CDH4: variants seen among roughly 807,000 people sequenced by gnomAD.
The protein encoded by CDH4 is cadherin-4.
Under a neutral mutation model 86.0 loss-of-function variants are expected in CDH4, and 33 were observed. The observed-to-expected ratio is 0.38, with a 90% CI of 0.29 to 0.51. The LOEUF is 0.51. Ranked by LOEUF, CDH4 falls within the 20% of genes least tolerant of loss-of-function variation. The pLI is 0.86. For missense variants in CDH4, 1,114 were observed against 1,307.4 expected (o/e 0.85, Z 2.28); for synonymous variants, 555 against 549.4 (o/e 1.01, Z -0.14).
chr20:61,797,316 C>T (rs1055945778), intron 4 of CDH4, among the ~76,000 whole-genome samples: 8 of 152,202 alleles, frequency 5.3e-5, no homozygotes, highest in Non-Finnish European at 7.3e-5. Flanking sequence ...GGAAGGCTCA[C>T]GCCATCCACT....
chr20:61,858,331 G>GTGTCTGTGTGTCTA (rs1244012353), intron 6 of CDH4, among the ~76,000 whole-genome samples: 3 of 151,102 alleles, frequency 2.0e-5, no homozygotes, highest in Non-Finnish European at 4.4e-5. Context: ...GTGTCTGTCT[G>GTGTCTGTGTGTCTA]TGTCTGTATC....
rs115864163 is a variant in CDH4 at position 61,289,369 on chromosome 20, G to A, written c.169+34432G>A. ...TGACCCAGGGTCATTTGGCCCCCAG[G>A]CTAAGTCTTCTAGCCCTGAAGCCCT... On this transcript the variant is annotated intron_variant, in intron 2 of 15. Coordinates refer to ENST00000614565, the MANE Select transcript of CDH4 (RefSeq NM_001794.5). Among the ~76,000 whole-genome samples, 1,214 of 152,324 alleles carry A rather than the reference G, an allele frequency of 8.0e-3. 15 individuals are homozygous for A. The highest frequency in any genetic ancestry group is 0.028 in the African/African-American group (1,146 of 41,580).
chr20:61,773,858 G>T (rs2088808470), intron 4 of CDH4, among the ~76,000 whole-genome samples: 1 of 152,106 alleles, frequency 6.6e-6, no homozygotes, highest in African/African-American at 2.4e-5. Context: ...TGTGCTTAAG[G>T]GGTCATTCTC....
At chr20:61,568,355 G>A (rs775780924) in intron 2 of CDH4, among the ~76,000 whole-genome samples, 4 of 152,068 alleles carry the variant, frequency 2.6e-5, no homozygotes, top group Admixed American at 6.5e-5. Context: ...TTTTCCCTTC[G>A]TTCCACACTC....
intron 3 of CDH4, among the ~76,000 whole-genome samples, chr20:61,748,629 G>A (rs1453268650): frequency 6.6e-6 from 1 of 152,166 alleles, no homozygotes; most frequent in Non-Finnish European, 1.5e-5. Context: ...TGTTTCATGG[G>A]TGTAAACAGA....
chr20:61,392,266 C>A lies in CDH4; in HGVS notation c.169+137329C>A, dbSNP rs1242610552. Among the ~76,000 whole-genome samples the A allele has an allele frequency of 6.6e-6, 1 of 151,898 alleles. No homozygotes were observed. The highest frequency in any genetic ancestry group is 1.5e-5 in the Non-Finnish European group (1 of 67,992). On this transcript the variant is annotated intron_variant, in intron 2 of 15. Coordinates refer to ENST00000614565, the MANE Select transcript of CDH4 (RefSeq NM_001794.5). This position sits in a 1 kb window ranked among gnomAD's most constrained non-coding sequence, Gnocchi z 5.7. ...TCTGGGCTGGGGAGGGACAGGAACC[C>A]GAGGCAGATCCTTCCACCAAACGAG...
chr20:61,930,753 G>A (rs1237156681), intron 13 of CDH4, among the ~76,000 whole-genome samples: 18 of 152,354 alleles, frequency 1.2e-4, no homozygotes, highest in Admixed American at 1.1e-3. Context: ...TGTTTTGAAA[G>A]CCGTTCAGTG....
At chr20:61,462,098 C>G (rs1428567107) in intron 2 of CDH4, among the ~76,000 whole-genome samples, 17 of 152,176 alleles carry the variant, frequency 1.1e-4, no homozygotes, top group Admixed American at 1.1e-3. Flanking sequence ...TGAATAAATC[C>G]AAAATTAACC....
Position 61,884,774 on chromosome 20 carries a change from C to T in CDH4, c.1051-10136C>T, listed in dbSNP as rs570560819. Among the ~76,000 whole-genome samples the T allele has an allele frequency of 2.0e-5, 3 of 152,300 alleles. No individual in the cohort carries two copies. In the South Asian group the frequency reaches 6.2e-4, roughly 32 times the overall value. On this transcript the variant is annotated intron_variant, in intron 7 of 15. Transcript: ENST00000614565. ...GTGCCACCCAGGCAGCACCTCCTCC[C>T]AGAACAGCAGCAGCCCCGAAGGGCT...
intron 4 of CDH4, among the ~76,000 whole-genome samples, chr20:61,788,004 G>C (rs1233209451): frequency 6.6e-6 from 1 of 152,226 alleles, no homozygotes; most frequent in African/African-American, 2.4e-5. Context: ...AACCCAAAGA[G>C]TGATGTGGTG....
At chr20:61,598,734 C>T (rs1331894976) in intron 2 of CDH4, among the ~76,000 whole-genome samples, 6 of 152,200 alleles carry the variant, frequency 3.9e-5, no homozygotes, top group African/African-American at 1.2e-4. Context: ...CTCTTCTCCA[C>T]GCGTCCCAGA....
chr20:61,611,116 C>T (rs2086682042), intron 2 of CDH4, among the ~76,000 whole-genome samples: 1 of 152,076 alleles, frequency 6.6e-6, no homozygotes, highest in Non-Finnish European at 1.5e-5. Context: ...CTCATTGGCT[C>T]AGAGGGTGCA....
intron 2 of CDH4, among the ~76,000 whole-genome samples, chr20:61,612,885 G>A (rs1270883525): frequency 6.6e-6 from 1 of 152,028 alleles, no homozygotes; most frequent in East Asian, 1.9e-4. Context: ...TTGGTCTTTG[G>A]CCGTTTCTCT....
At chr20:61,402,287 C>T (rs971580748) in intron 2 of CDH4, among the ~76,000 whole-genome samples, 1 of 152,266 alleles carries the variant, frequency 6.6e-6, no homozygotes, top group East Asian at 1.9e-4. Context: ...CTCTAGGTTA[C>T]TTATAATACC....
chr20:61,528,682 A>G (rs372133724), intron 2 of CDH4, among the ~76,000 whole-genome samples: 1 of 152,178 alleles, frequency 6.6e-6, no homozygotes, highest in East Asian at 1.9e-4. Flanking sequence ...GGGGGAGAAG[A>G]GGAGACCAAA....
intron 2 of CDH4, among the ~76,000 whole-genome samples, chr20:61,308,642 T>C (rs1028214446): frequency 6.6e-6 from 1 of 152,202 alleles, no homozygotes; most frequent in Non-Finnish European, 1.5e-5. Flanking sequence ...TTTGGCACCA[T>C]CCAGACAAAA....
chr20:61,628,512 A>G (rs752403571), intron 2 of CDH4, among the ~76,000 whole-genome samples: 4 of 152,226 alleles, frequency 2.6e-5, no homozygotes, highest in Non-Finnish European at 5.9e-5. Context: ...ACATTCATTA[A>G]AGGCAGAGAG....
chr20:61,903,320 C>T (rs1328856569), intron 8 of CDH4, among the ~76,000 whole-genome samples: 5 of 152,060 alleles, frequency 3.3e-5, no homozygotes, highest in African/African-American at 9.6e-5. Flanking sequence ...CCGAGGCGGG[C>T]AGATCACCTG....
At chr20:61,329,182 A>C (rs2084554469) in intron 2 of CDH4, among the ~76,000 whole-genome samples, 1 of 152,106 alleles carries the variant, frequency 6.6e-6, no homozygotes, top group African/African-American at 2.4e-5. Context: ...AAAGTCAAAA[A>C]ATTGTAGTTC....
Sources: allele counts gnomAD v4.1 joint callset (sites outside exome capture counted in the v4.1 genomes callset), GRCh38; gene constraint gnomAD v4.1.1; non-coding constraint Gnocchi (gnomAD v3.1); transcripts MANE v1.5; gene names NCBI Gene and HGNC (gene_info 2026-07-23, HGNC 2026-07-21).